The following HBS1L variants were observed in gnomAD, a reference collection of about 807,000 sequenced individuals.
The protein encoded by HBS1L is HBS1-like protein.
HBS1L carries 55 observed loss-of-function variants against 88.9 expected under a neutral mutation model. The observed-to-expected ratio is 0.62, with a 90% CI of 0.50 to 0.77. The LOEUF (loss-of-function observed/expected upper bound fraction) is 0.77. Ranked by LOEUF, HBS1L falls within the 30% of genes least tolerant of loss-of-function variation. The pLI is 0.00. For missense variants in HBS1L, 741 were observed against 829.3 expected, an observed-to-expected ratio of 0.89 and a Z score of 1.31; for synonymous variants, 267 against 288.5, an observed-to-expected ratio of 0.93 and a Z score of 0.76.
At chr6:135,047,386 C>A (rs1467831424) in intron 2 of HBS1L, among the ~76,000 whole-genome samples, 1 of 152,198 alleles carries the variant, frequency 6.6e-6, no homozygotes, top group East Asian at 1.9e-4. Context: ...ACTTCCAAGT[C>A]CTGCAGACCT....
At chr6:134,989,214 T>C (rs1426922238) in intron 8 of HBS1L, among the ~76,000 whole-genome samples, 2 of 152,244 alleles carry the variant, frequency 1.3e-5, no homozygotes, top group African/African-American at 2.4e-5. Context: ...TTCATTCTTA[T>C]CAATTATTTC....
intron 4 of HBS1L, chr6:135,035,922 T>A: frequency 1.6e-6 from 1 of 628,458 alleles, no homozygotes; most frequent in Non-Finnish European, 2.0e-6. Context: ...TTTAAAAATG[T>A]ATAAAAATAA....
Position 135,054,773 on chromosome 6 carries a change from G to A in HBS1L, c.-82C>T. On this transcript the variant is annotated 5_prime_UTR_variant, in exon 1 of 18. Transcript: ENST00000367837. ...AGATACTGATAAGGCGCCAACTGCA[G>A]CCTGGAGAACCCCTATGCGCCATCT... is the stretch of plus-strand genomic sequence containing the variant. 7 of 1,539,646 alleles carry A rather than the reference G, an allele frequency of 4.5e-6. No homozygotes were observed. Among genetic ancestry groups the A allele is most frequent in the Non-Finnish European group, 6.2e-6 (7 of 1,121,762 alleles).
chr6:135,000,608 T>C (rs1353525175), intron 5 of HBS1L, among the ~76,000 whole-genome samples: 3 of 152,112 alleles, frequency 2.0e-5, no homozygotes, highest in Non-Finnish European at 4.4e-5. Context: ...GTTTGCTGTT[T>C]CATTTCCTTC....
intron 5 of HBS1L, among the ~76,000 whole-genome samples, chr6:135,001,444 C>G (rs1775451966): frequency 6.6e-6 from 1 of 151,886 alleles, no homozygotes; most frequent in South Asian, 2.1e-4. Context: ...ATTATAAAAT[C>G]CTTAGAACAA....
intron 4 of HBS1L, among the ~76,000 whole-genome samples, chr6:135,012,014 G>T (rs770427759): frequency 1.3e-5 from 2 of 151,738 alleles, no homozygotes; most frequent in African/African-American, 4.8e-5. Flanking sequence ...CAAGTCAAAG[G>T]TGTGGCAGAG....
intron 4 of HBS1L, among the ~76,000 whole-genome samples, chr6:135,007,905 T>C (rs903459993): frequency 6.6e-6 from 1 of 152,216 alleles, no homozygotes; most frequent in African/African-American, 2.4e-5. Flanking sequence ...TTGATTCTGG[T>C]CCCTGCCCTA....
At chr6:135,046,072 C>T (rs1776903535) in intron 2 of HBS1L, among the ~76,000 whole-genome samples, 1 of 152,142 alleles carries the variant, frequency 6.6e-6, no homozygotes, top group African/African-American at 2.4e-5. Flanking sequence ...TCTTTCCTAG[C>T]CCTCTTTCCT....
intron 4 of HBS1L, among the ~76,000 whole-genome samples, chr6:135,004,342 G>A (rs1403018092): frequency 1.3e-5 from 2 of 151,904 alleles, no homozygotes; most frequent in African/African-American, 4.8e-5. Flanking sequence ...TTTGATGATA[G>A]GGCACATGAC....
rs140907649 is a variant in HBS1L, at chr6:135,048,628, G to T, written c.109+1954C>A. On this transcript the variant is annotated intron_variant, in intron 2 of 17. Transcript: ENST00000367837. ...TTTGTTCCCCTAAGAACTAGGGACA[G>T]TAAAGTGCTTCCTGAACTTACTACC... Among the ~76,000 whole-genome samples the T allele has an allele frequency of 8.6e-3, 1,311 of 152,362 alleles. 12 individuals carry two copies. The highest frequency in any genetic ancestry group is 0.03 in the African/African-American group (1,233 of 41,576).
chr6:135,028,981 AC>A, intron 4 of HBS1L, among the ~76,000 whole-genome samples: 1 of 152,176 alleles, frequency 6.6e-6, no homozygotes, highest in African/African-American at 2.4e-5. Context: ...AAGACAGCCT[AC>A]CAAAAAATAG....
At chr6:135,012,501 C>T (rs896465701) in intron 4 of HBS1L, among the ~76,000 whole-genome samples, 5 of 152,148 alleles carry the variant, frequency 3.3e-5, no homozygotes, top group Admixed American at 2.0e-4. Context: ...GGTGTCTCTG[C>T]TTTCTATCTC....
intron 5 of HBS1L, among the ~76,000 whole-genome samples, chr6:135,001,665 T>C (rs1053794604): frequency 6.6e-6 from 1 of 152,144 alleles, no homozygotes; most frequent in Non-Finnish European, 1.5e-5. Context: ...AAGTTACTCA[T>C]GATAAAAATT....
intron 4 of HBS1L, among the ~76,000 whole-genome samples, chr6:135,013,668 C>G (rs1442640855): frequency 1.3e-5 from 2 of 152,124 alleles, no homozygotes; most frequent in Non-Finnish European, 2.9e-5. Context: ...GTAAGAAATT[C>G]TACAGTGATC....
chr6:134,975,877 A>G (rs1226624746), intron 15 of HBS1L, among the ~76,000 whole-genome samples: 3 of 152,172 alleles, frequency 2.0e-5, no homozygotes, highest in Non-Finnish European at 4.4e-5. Flanking sequence ...AAGACCCCCA[A>G]AGCAGATTCA....
chr6:134,989,443 T>G (rs570069434), intron 8 of HBS1L, among the ~76,000 whole-genome samples: 4 of 152,278 alleles, frequency 2.6e-5, no homozygotes, highest in Non-Finnish European at 5.9e-5. Flanking sequence ...ATCATTAAGT[T>G]CTCCTGCTTT....
At chr6:135,041,877 T>C (rs1776747991) in intron 3 of HBS1L, 124 bp downstream of exon 3, 1 of 758,098 alleles carries the variant, frequency 1.3e-6, no homozygotes, top group South Asian at 2.5e-5. Flanking sequence ...TCCTTGAATA[T>C]GAAAGATATG....
chr6:135,030,134 T>G (rs1471853088), intron 4 of HBS1L, among the ~76,000 whole-genome samples: 1 of 152,130 alleles, frequency 6.6e-6, no homozygotes, highest in East Asian at 1.9e-4. Flanking sequence ...AGAACTTACA[T>G]GGAAGAGGGG....
chr6:135,015,580 GATTT>G (rs765586886), intron 4 of HBS1L, among the ~76,000 whole-genome samples: 5 of 151,874 alleles, frequency 3.3e-5, no homozygotes, highest in East Asian at 1.9e-4. Context: ...CACACATACT[GATTT>G]ATTTATTTTT....
Sources: allele counts gnomAD v4.1 joint callset (sites outside exome capture counted in the v4.1 genomes callset), GRCh38; gene constraint gnomAD v4.1.1; transcripts MANE v1.5; gene names NCBI Gene and HGNC (gene_info 2026-07-23, HGNC 2026-07-21).